The following PSG9 variants were observed in gnomAD, a reference collection of about 807,000 sequenced individuals.
PSG9 encodes the protein pregnancy specific beta-1-glycoprotein 9, also known as pregnancy-specific beta-1-glycoprotein 9.
PSG9 carries 49 observed loss-of-function variants against 41.9 expected under a neutral mutation model. That is an observed-to-expected ratio of 1.17 (90% confidence interval 0.93 to 1.48). PSG9 has a LOEUF of 1.48. Among genes scored for constraint, PSG9 ranks in the 40% most tolerant of loss-of-function variants. The probability of loss-of-function intolerance (pLI) is 0.00; values close to 1 mark genes in which losing one functional copy is unlikely to be tolerated. For missense variants in PSG9, 641 were observed against 520.3 expected, an observed-to-expected ratio of 1.23 and a Z score of -2.26; for synonymous variants, 263 against 196.8, an observed-to-expected ratio of 1.34 and a Z score of -2.82.
chr19:43,263,208 G>C (rs1270040230), intron 2 of PSG9, among the ~76,000 whole-genome samples: 1 of 152,158 alleles, frequency 6.6e-6, no homozygotes, highest in Non-Finnish European at 1.5e-5. Context: ...ATAGGGTGTT[G>C]TTCCGTGGGT....
At chr19:43,266,628 G>A (rs535835121) in intron 2 of PSG9, among the ~76,000 whole-genome samples, 1 of 152,104 alleles carries the variant, frequency 6.6e-6, no homozygotes, top group Non-Finnish European at 1.5e-5. Flanking sequence ...GTTGAGGCAG[G>A]TGATTTAGTT....
At chr19:43,258,485 G>C (rs1415232786) in intron 4 of PSG9, 29 bp from the exon 5 acceptor site, 1 of 1,533,880 alleles carries the variant, frequency 6.5e-7, no homozygotes, top group Non-Finnish European at 8.7e-7. Flanking sequence ...AGCCACACGT[G>C]ATGTCATTCG....
rs1436607338 is a variant in PSG9 at position 43,262,248 on chromosome 19, A to G, written c.431-110T>C. On this transcript the variant is annotated intron_variant, in intron 2 of 5. Transcript: ENST00000270077. ...CACCTCTCAGCCCAACCCAGTCCTT[A>G]AAAGCCCATGGCAGGTGTGTGTGTT... 3 of 1,519,550 alleles carry G rather than the reference A, an allele frequency of 2.0e-6. No individual in the cohort carries two copies. The Admixed American group carries it at 6.4e-5, about 33-fold the overall frequency. 94.1% of individuals were successfully genotyped at this position (1,519,550 alleles called of 1,614,324 possible).
rs1968391097 is a variant in PSG9, at chr19:43,254,938, A to AC, written c.1244-1293_1244-1292insG. On this transcript the variant is annotated intron_variant, in intron 5 of 5. Coordinates refer to ENST00000270077, the MANE Select transcript of PSG9 (RefSeq NM_002784.5). Reference sequence around the variant, plus strand: ...TGCTGTCTCTACAAAAAAATAAAAAAAAATTAGCTGGGCATGGTGACATGC... The same window carrying AC: ...TGCTGTCTCTACAAAAAAATAAAAAACAAATTAGCTGGGCATGGTGACATGC... Among the ~76,000 whole-genome samples the AC allele has an allele frequency of 2.8e-5, 4 of 144,060 alleles. 1 individual carries two copies. The highest frequency in any genetic ancestry group is 1.1e-4 in the African/African-American group (4 of 37,348). 94.5% of individuals were successfully genotyped at this position (144,060 alleles called of 152,430 possible). A position where few individuals can be genotyped will look rare whatever the true frequency, so the allele number is the denominator to read the frequency against.
In PSG9 at chr19:43,253,285, C is replaced by G. The variant is rs145906431; in HGVS notation, c.*324G>C. 5 of 199,366 alleles carry G rather than the reference C, an allele frequency of 2.5e-5. No individual in the cohort carries two copies. Among genetic ancestry groups the G allele is most frequent in the Admixed American group, 5.9e-5 (1 of 17,056 alleles). 12.3% of individuals were successfully genotyped at this position (199,366 alleles called of 1,614,324 possible). A position where few individuals can be genotyped will look rare whatever the true frequency, so the allele number is the denominator to read the frequency against. On this transcript the variant is annotated 3_prime_UTR_variant, in exon 6 of 6. Coordinates refer to ENST00000270077, the MANE Select transcript of PSG9 (RefSeq NM_002784.5). Reference sequence around the variant, plus strand: ...CTGTTATAAAGAGAGCAGATTCTTACGGAACATGTGCAAATAACTTTATTA... The same window carrying G: ...CTGTTATAAAGAGAGCAGATTCTTAGGGAACATGTGCAAATAACTTTATTA...
intron 2 of PSG9, among the ~76,000 whole-genome samples, chr19:43,263,213 G>A (rs1043166615): frequency 4.6e-5 from 7 of 152,132 alleles, no homozygotes; most frequent in East Asian, 1.9e-4. Context: ...GTGTTGTTCC[G>A]TGGGTGTGCA....
intron 2 of PSG9, among the ~76,000 whole-genome samples, chr19:43,266,317 G>T (rs1233427341): frequency 6.6e-6 from 1 of 151,878 alleles, no homozygotes. Context: ...TGAAGGACAA[G>T]GGACAGGTGT....
chr19:43,257,136 A>T (rs1968470120), intron 5 of PSG9: 1 of 148,420 alleles, frequency 6.7e-6, no homozygotes, highest in African/African-American at 2.6e-5. Context: ...TTTATAAAAG[A>T]TAGTTAGAAT....
chr19:43,255,091 G>GTC lies in PSG9; in HGVS notation c.1244-1447_1244-1446dup, dbSNP rs1299409663. ...GGGCTGGCCTACAGAGTGAGAGCCT[G>GTC]TCTCTCTCTCTTCCAAAAAAAAAAA... is the stretch of plus-strand genomic sequence containing the variant. On this transcript the variant is annotated intron_variant, in intron 5 of 5. Coordinates refer to ENST00000270077, the MANE Select transcript of PSG9 (RefSeq NM_002784.5). Among the ~76,000 whole-genome samples, 6 of 127,740 alleles carry GTC rather than the reference G, an allele frequency of 4.7e-5. 1 individual carries two copies. The highest frequency in any genetic ancestry group is 1.3e-4 in the African/African-American group (4 of 30,970). 83.8% of individuals were successfully genotyped at this position (127,740 alleles called of 152,430 possible).
intron 1 of PSG9, among the ~76,000 whole-genome samples, chr19:43,268,839 A>G (rs1969110040): frequency 6.6e-6 from 1 of 152,080 alleles, no homozygotes; most frequent in Non-Finnish European, 1.5e-5. Flanking sequence ...AGTTATTATT[A>G]TCATTTTTCA....
chr19:43,254,988 G>A (rs1268931412), intron 5 of PSG9, among the ~76,000 whole-genome samples: 1 of 144,060 alleles, frequency 6.9e-6, no homozygotes, highest in African/African-American at 2.7e-5. Flanking sequence ...CATCTTGGGA[G>A]GCTGAAGAAG....
chr19:43,258,033 G>T, intron 5 of PSG9, 169 bp downstream of exon 5: 1 of 1,561,204 alleles, frequency 6.4e-7, no homozygotes, highest in Non-Finnish European at 8.6e-7. Context: ...GAAAAACAAG[G>T]AGAAGAGAGT....
intron 2 of PSG9, among the ~76,000 whole-genome samples, chr19:43,266,101 C>A (rs8109810): frequency 0.12 from 17,452 of 150,568 alleles, 1,407 homozygotes; most frequent in East Asian, 0.36. Context: ...CACAGAGAAG[C>A]AGAGAGAGGC....
intron 1 of PSG9, 113 bp from the exon 2 acceptor site, chr19:43,268,262 A>ATG: frequency 7.2e-7 from 1 of 1,381,668 alleles, no homozygotes; most frequent in Non-Finnish European, 9.9e-7. Context: ...AGATACACAC[A>ATG]CGCACACATA....
intron 5 of PSG9, among the ~76,000 whole-genome samples, chr19:43,256,250 C>T (rs1032950637): frequency 6.8e-6 from 1 of 146,638 alleles, no homozygotes; most frequent in African/African-American, 2.6e-5. Flanking sequence ...AACTACACAA[C>T]TCTTAGAAGA....
At chr19:43,263,398 CT>C (rs1244629877) in intron 2 of PSG9, among the ~76,000 whole-genome samples, 2 of 152,064 alleles carry the variant, frequency 1.3e-5, no homozygotes, top group Non-Finnish European at 2.9e-5. Flanking sequence ...CATCCCAAAT[CT>C]GAAAAATTTA....
intron 3 of PSG9, among the ~76,000 whole-genome samples, chr19:43,260,924 G>T (rs1968682942): frequency 6.6e-6 from 1 of 151,988 alleles, no homozygotes; most frequent in Admixed American, 6.5e-5. Context: ...GACCTTTTTG[G>T]TTAAACTTAT....
chr19:43,254,590 A>T (rs1968378481), intron 5 of PSG9, among the ~76,000 whole-genome samples: 1 of 146,162 alleles, frequency 6.8e-6, no homozygotes, highest in Non-Finnish European at 1.5e-5. Context: ...CAGGATATGA[A>T]AGAAGAACAA....
intron 3 of PSG9, 121 bp downstream of exon 3, chr19:43,261,739 G>C: frequency 6.2e-7 from 1 of 1,609,570 alleles, no homozygotes; most frequent in Non-Finnish European, 8.5e-7. Flanking sequence ...GTCATGGCCA[G>C]CTTTGATGTC....
Sources: gnomAD v4.1 joint callset for allele counts (sites outside exome capture counted in the v4.1 genomes callset) on GRCh38, gnomAD v4.1.1 for gene constraint, MANE v1.5 for transcripts, NCBI Gene and HGNC (gene_info 2026-07-23, HGNC 2026-07-21) for gene names.